ARB2A: variants seen among roughly 807,000 people sequenced by gnomAD.
The protein encoded by ARB2A is ARB2 cotranscriptional regulator A.
chr5:93,741,487 G>T, the ARB2A span: 9 of 1,613,038 alleles, frequency 5.6e-6, no homozygotes, highest in Non-Finnish European at 6.8e-6. Context: ...AACCCGCAGG[G>T]GCATCGGCCC....
chr5:93,971,384 G>A, the ARB2A span, among the ~76,000 whole-genome samples: 3 of 151,880 alleles, frequency 2.0e-5, no homozygotes, highest in East Asian at 1.9e-4. Context: ...CCTGGCCAAC[G>A]TGGCAAAACC....
chr5:93,701,735 G>T, the ARB2A span, among the ~76,000 whole-genome samples: 1 of 152,190 alleles, frequency 6.6e-6, no homozygotes, highest in Non-Finnish European at 1.5e-5. Context: ...TTTAATGTTG[G>T]TAAGCAGCAA....
chr5:94,044,168 T>C, the ARB2A span, among the ~76,000 whole-genome samples: 1 of 152,194 alleles, frequency 6.6e-6, no homozygotes, highest in Non-Finnish European at 1.5e-5. Context: ...TGTATTGGAA[T>C]TGGCTAGCAC....
chr5:94,046,994 C>T, the ARB2A span, among the ~76,000 whole-genome samples: 1 of 151,836 alleles, frequency 6.6e-6, no homozygotes, highest in African/African-American at 2.4e-5. Flanking sequence ...AACAAGTATT[C>T]CAAACATGAC....
At chr5:93,683,773 T>TG in the ARB2A span, 10 of 1,484,630 alleles carry the variant, frequency 6.7e-6, 1 homozygote, top group South Asian at 1.1e-4. Context: ...AAAACAACGC[T>TG]GCTGCAGAGA....
the ARB2A span, among the ~76,000 whole-genome samples, chr5:94,097,425 T>A: frequency 6.6e-6 from 1 of 152,230 alleles, no homozygotes; most frequent in Admixed American, 6.5e-5. Flanking sequence ...AATCTCATCT[T>A]GAATTCCCAT....
chr5:94,074,800 C>A, the ARB2A span: 3 of 1,452,320 alleles, frequency 2.1e-6, no homozygotes, highest in Non-Finnish European at 1.9e-6. Context: ...AAATTAAGTT[C>A]TACTCAAAAC....
At chr5:93,887,216 C>T in the ARB2A span, among the ~76,000 whole-genome samples, 3 of 145,826 alleles carry the variant, frequency 2.1e-5, no homozygotes, top group Admixed American at 6.9e-5. Context: ...AGAGACGGCC[C>T]AAGCAAACAA....
At chr5:93,899,420 A>G in the ARB2A span, among the ~76,000 whole-genome samples, 1 of 152,088 alleles carries the variant, frequency 6.6e-6, no homozygotes, top group Non-Finnish European at 1.5e-5. Context: ...AAGTTTCCCT[A>G]TATATTAATG....
At chr5:93,818,993 C>G in the ARB2A span, among the ~76,000 whole-genome samples, 1 of 151,760 alleles carries the variant, frequency 6.6e-6, no homozygotes, top group African/African-American at 2.4e-5. Context: ...CGAGACCATC[C>G]TGGCTAACAC....
the ARB2A span, among the ~76,000 whole-genome samples, chr5:93,661,232 T>A: frequency 1.3e-5 from 2 of 152,130 alleles, no homozygotes; most frequent in African/African-American, 4.8e-5. Context: ...TATGGGAGCA[T>A]ATGCTAGCAG....
the ARB2A span, among the ~76,000 whole-genome samples, chr5:93,886,974 C>T: frequency 6.6e-6 from 1 of 151,732 alleles, no homozygotes; most frequent in Non-Finnish European, 1.5e-5. Context: ...AAGTTTCCAA[C>T]TTCAAATAGC....
chr5:93,917,905 C>G, the ARB2A span, among the ~76,000 whole-genome samples: 4 of 152,054 alleles, frequency 2.6e-5, no homozygotes, highest in Admixed American at 2.6e-4. Flanking sequence ...GTGGTTCTTT[C>G]AACATTTATA....
the ARB2A span, among the ~76,000 whole-genome samples, chr5:93,823,617 G>T: frequency 6.6e-6 from 1 of 152,092 alleles, no homozygotes; most frequent in Non-Finnish European, 1.5e-5. Flanking sequence ...ATGGAAACTG[G>T]CACTATAATG....
chr5:93,915,473 T>TATA, the ARB2A span, among the ~76,000 whole-genome samples: 167 of 151,894 alleles, frequency 1.1e-3, no homozygotes, highest in African/African-American at 3.9e-3. Flanking sequence ...TATTTCATCA[T>TATA]ATAATTCATC....
the ARB2A span, among the ~76,000 whole-genome samples, chr5:94,065,081 C>A: frequency 6.6e-6 from 1 of 152,070 alleles, no homozygotes; most frequent in East Asian, 1.9e-4. Flanking sequence ...CAATAATAAC[C>A]TTTAATATAA....
the ARB2A span, among the ~76,000 whole-genome samples, chr5:94,065,842 A>G: frequency 6.6e-6 from 1 of 152,198 alleles, no homozygotes; most frequent in Non-Finnish European, 1.5e-5. Flanking sequence ...ATTAACAAAG[A>G]AACAGATTTA....
At chr5:93,662,411 A>C in the ARB2A span, among the ~76,000 whole-genome samples, 125 of 152,306 alleles carry the variant, frequency 8.2e-4, no homozygotes, top group Non-Finnish European at 1.5e-3. Context: ...TCTGCTTGCT[A>C]CTTTTAAGTG....
At chr5:94,023,794 T>C in the ARB2A span, among the ~76,000 whole-genome samples, 1 of 152,216 alleles carries the variant, frequency 6.6e-6, no homozygotes, top group Non-Finnish European at 1.5e-5. Context: ...AGAGGACTGA[T>C]CACTGTGTAA....
Sources: allele counts gnomAD v4.1 joint callset (sites outside exome capture counted in the v4.1 genomes callset), GRCh38; gene constraint gnomAD v4.1.1; transcripts MANE v1.5; gene names NCBI Gene and HGNC (gene_info 2026-07-23, HGNC 2026-07-21).